Variants in TNS1 observed in about 807,000 individuals in gnomAD.
TNS1 encodes tensin-1.
In TNS1, 62 loss-of-function variants were observed where a neutral mutation model predicts 168.6. The ratio of observed to expected loss-of-function variants is 0.37; its 90% CI spans 0.30 to 0.45. TNS1 has a LOEUF of 0.45. Among genes scored for constraint, TNS1 ranks in the 20% least tolerant of loss-of-function variants. TNS1 has a pLI of 1.00. For missense variants in TNS1, 2,240 were observed against 2,339.4 expected, an observed-to-expected ratio of 0.96 and a Z score of 0.88; for synonymous variants, 934 against 933.2, an observed-to-expected ratio of 1.00 and a Z score of -0.02.
rs914892862 is a variant in TNS1, at chr2:217,986,461, G to A, written c.148+4481C>T. 1.3e-5 allele frequency among the ~76,000 whole-genome samples: 2 copies of A among 152,182 alleles called. No individual in the cohort carries two copies. Among genetic ancestry groups the A allele is most frequent in the African/African-American group, 2.4e-5 (1 of 41,432 alleles). ...AGATCAGGCCCTGATGGCAGCCCTC[G>A]GGCTGCTGAGCTGCCATCCTGGTAT... On this transcript the variant is annotated intron_variant, in intron 2 of 32. Transcript: ENST00000682258. The surrounding 1 kb of genome is among the most constrained non-coding windows in gnomAD (Gnocchi z 4.7).
chr2:217,866,049 C>G (rs566312803), intron 18 of TNS1, among the ~76,000 whole-genome samples: 1 of 152,284 alleles, frequency 6.6e-6, no homozygotes, highest in Non-Finnish European at 1.5e-5. Context: ...TCCTGTTACT[C>G]AGATCCCCCA....
rs1000590551 is a variant in TNS1, at chr2:217,849,795, C to T, written c.1430-708G>A. 24 of 985,406 alleles carry T rather than the reference C, an allele frequency of 2.4e-5. No homozygotes were observed. In the African/African-American group the frequency reaches 4.2e-4, roughly 17 times the overall value. 61.0% of individuals were successfully genotyped at this position (985,406 alleles called of 1,614,324 possible). ...GGACGGCCAGTCGCCCCGAGGATAGCCTTTGCCCACGGAAGCAGGGGGAGA... is the reference window on the plus strand; with the variant it reads ...GGACGGCCAGTCGCCCCGAGGATAGTCTTTGCCCACGGAAGCAGGGGGAGA... On this transcript the variant is annotated intron_variant, in intron 18 of 32. Coordinates refer to ENST00000682258, the MANE Select transcript of TNS1 (RefSeq NM_001387777.1).
rs557024358 is a variant in TNS1, at chr2:217,857,203, G to A, written c.1430-8116C>T. 6.5e-4 allele frequency among the ~76,000 whole-genome samples: 99 copies of A among 152,302 alleles called. 1 individual carries two copies. Among genetic ancestry groups the A allele is most frequent in the African/African-American group, 9.9e-4 (41 of 41,576 alleles). ...GCAGAACTGGGATCTCCAGGGCCCG[G>A]GAGGTTGGCTCAGCCAAGAGAGCTT... On this transcript the variant is annotated intron_variant, in intron 18 of 32. Coordinates refer to ENST00000682258, the MANE Select transcript of TNS1 (RefSeq NM_001387777.1).
intron 3 of TNS1, among the ~76,000 whole-genome samples, chr2:217,955,894 G>A (rs1266809246): frequency 6.6e-6 from 1 of 152,210 alleles, no homozygotes; most frequent in African/African-American, 2.4e-5. Flanking sequence ...CAGGCTCAGA[G>A]ACAGGGGACT....
Position 217,836,027 on chromosome 2 carries a change from C to T in TNS1, c.3192G>A (p.Gly1064=). The T allele has an allele frequency of 6.2e-7, 1 of 1,613,154 alleles. No individual in the cohort carries two copies. The highest frequency in any genetic ancestry group is 8.5e-7 in the Non-Finnish European group (1 of 1,179,278). ...LALTIALNPG[G]RPKEPHLHSY... is the part of the protein sequence containing the mutation. Reference sequence around the variant, plus strand: ...CTTAAGGACTCACCTCTTTGGGCCGCCCTCCAGGATTGAGAGCGATGGTAA... The same window carrying T: ...CTTAAGGACTCACCTCTTTGGGCCGTCCTCCAGGATTGAGAGCGATGGTAA... The change falls in exon 20 of 33, where the codon GGG becomes GGA. Residue 1064 remains glycine (G), a synonymous_variant. Coordinates refer to ENST00000682258, the MANE Select transcript of TNS1 (RefSeq NM_001387777.1).
At chr2:217,849,897 G>C (rs1947231363) in intron 18 of TNS1, 8 of 985,432 alleles carry the variant, frequency 8.1e-6, no homozygotes, top group Non-Finnish European at 9.6e-6. Context: ...TGAAGGCAGA[G>C]CTGGGACTCT....
chr2:217,820,304 C>T (rs1471645540), intron 23 of TNS1, among the ~76,000 whole-genome samples: 1 of 152,174 alleles, frequency 6.6e-6, no homozygotes, highest in Non-Finnish European at 1.5e-5. Context: ...CAATGGGTGG[C>T]TGGGACAACT....
intron 3 of TNS1, among the ~76,000 whole-genome samples, chr2:217,931,439 GCCAA>G (rs1956313860): frequency 6.6e-6 from 1 of 152,236 alleles, no homozygotes; most frequent in Admixed American, 6.5e-5. Flanking sequence ...TGAGGACCAT[GCCAA>G]CCACCACGGG....
At chr2:217,854,310 A>G (rs1947868492) in intron 18 of TNS1, among the ~76,000 whole-genome samples, 1 of 152,230 alleles carries the variant, frequency 6.6e-6, no homozygotes, top group Non-Finnish European at 1.5e-5. Context: ...AGCCATATTG[A>G]CTGCAAGAAA....
intron 1 of TNS1, among the ~76,000 whole-genome samples, chr2:218,000,605 C>T (rs943440462): frequency 3.3e-5 from 5 of 152,254 alleles, no homozygotes; most frequent in Admixed American, 3.3e-4. Context: ...GTATATTATT[C>T]TCTGCACTTT....
At chr2:217,909,935 C>T (rs2125807558) in intron 4 of TNS1, among the ~76,000 whole-genome samples, 1 of 152,314 alleles carries the variant, frequency 6.6e-6, no homozygotes, top group East Asian at 1.9e-4. Flanking sequence ...CAATAAAGCA[C>T]ATAAAGCACT....
intron 32 of TNS1, among the ~76,000 whole-genome samples, chr2:217,805,477 A>ACTACACACACCG (rs1938418416): frequency 3.0e-5 from 1 of 33,888 alleles, no homozygotes; most frequent in Non-Finnish European, 5.6e-5. Flanking sequence ...CACACACACC[A>ACTACACACACCG]CACACACCAC....
intron 32 of TNS1, among the ~76,000 whole-genome samples, chr2:217,805,248 C>T (rs1938290132): frequency 6.6e-6 from 1 of 150,928 alleles, no homozygotes; most frequent in South Asian, 2.1e-4. Flanking sequence ...GGGCAGAGAA[C>T]AGAATGTGAG....
intron 1 of TNS1, among the ~76,000 whole-genome samples, chr2:218,018,981 G>A (rs1448380299): frequency 1.3e-5 from 2 of 152,180 alleles, no homozygotes; most frequent in African/African-American, 4.8e-5. Flanking sequence ...GGAAGCTGAG[G>A]TAGGAGAATT....
intron 32 of TNS1, among the ~76,000 whole-genome samples, chr2:217,805,884 C>CCACACACACACACACACACA (rs57846949): frequency 4.8e-5 from 7 of 147,166 alleles, no homozygotes; most frequent in African/African-American, 7.6e-5. Flanking sequence ...TATACACACA[C>CCACACACACACACACACACA]CACACACACA....
intron 3 of TNS1, among the ~76,000 whole-genome samples, chr2:217,968,443 T>C (rs980799507): frequency 2.6e-5 from 4 of 152,124 alleles, no homozygotes; most frequent in Admixed American, 2.6e-4. Context: ...GATTGTAAGA[T>C]AAATCATCAC....
At chr2:217,929,726 G>A (rs914294675) in intron 3 of TNS1, among the ~76,000 whole-genome samples, 5 of 132,176 alleles carry the variant, frequency 3.8e-5, no homozygotes, top group South Asian at 4.9e-4. Context: ...CACCAAAGTC[G>A]TTCAAGCCAG....
At chr2:217,919,808 T>A (rs2288176) in intron 4 of TNS1, among the ~76,000 whole-genome samples, 13,697 of 152,150 alleles carry the variant, frequency 0.09, 1,194 homozygotes, top group African/African-American at 0.22. Flanking sequence ...GAATGGACTC[T>A]GAGGGTCATC....
intron 1 of TNS1, among the ~76,000 whole-genome samples, chr2:218,030,433 G>A (rs1208397880): frequency 6.6e-6 from 1 of 152,182 alleles, no homozygotes; most frequent in African/African-American, 2.4e-5. Flanking sequence ...CTTGTTTGCA[G>A]TCTGTTCCAT....
Sources: allele counts gnomAD v4.1 joint callset (sites outside exome capture counted in the v4.1 genomes callset), GRCh38; gene constraint gnomAD v4.1.1; non-coding constraint Gnocchi (gnomAD v3.1); transcripts MANE v1.5; gene names NCBI Gene and HGNC (gene_info 2026-07-23, HGNC 2026-07-21).